Variants in RUBCNL observed in about 807,000 individuals in gnomAD.
RUBCNL encodes the protein rubicon like autophagy enhancer.
Under a neutral mutation model 69.5 loss-of-function variants are expected in RUBCNL, and 62 were observed. The ratio of observed to expected loss-of-function variants is 0.89; its 90% CI spans 0.73 to 1.10. The LOEUF (loss-of-function observed/expected upper bound fraction) is 1.10. RUBCNL is among the 50% of genes least tolerant of loss of function. The probability of loss-of-function intolerance (pLI) is 0.00; values close to 1 mark genes in which losing one functional copy is unlikely to be tolerated. For missense variants in RUBCNL, 768 were observed against 798.1 expected (o/e 0.96, Z 0.45); for synonymous variants, 291 against 303.6 (o/e 0.96, Z 0.43).
rs259706 is a variant in RUBCNL at position 46,386,038 on chromosome 13, A to T, written c.-239+1096T>A. 9.0e-3 allele frequency among the ~76,000 whole-genome samples: 1,375 copies of T among 152,324 alleles called. 19 individuals carry two copies. The highest frequency in any genetic ancestry group is 0.029 in the African/African-American group (1,205 of 41,568). On this transcript the variant is annotated intron_variant, in intron 1 of 14. Coordinates refer to ENST00000429979, the MANE Select transcript of RUBCNL (RefSeq NM_025113.5). The stretch of plus-strand genomic sequence containing the variant: ...TAATCACGAAAACCCCAGCACTGCC[A>T]TAAAGATGCTGTCTTAACTCGGCTC...
rs918827639 is a variant in RUBCNL at position 46,335,819 on chromosome 13, C to A, written c.*7566G>T. ...ACTGGGTCTATGGTGGTGCCATTTTCTGAGATGGAAAAGCCTGTAAAGAAA... is the reference window on the plus strand; with the variant it reads ...ACTGGGTCTATGGTGGTGCCATTTTATGAGATGGAAAAGCCTGTAAAGAAA... On this transcript the variant is annotated 3_prime_UTR_variant, in exon 15 of 15. Coordinates refer to ENST00000429979, the MANE Select transcript of RUBCNL (RefSeq NM_025113.5). Among the ~76,000 whole-genome samples the A allele has an allele frequency of 2.0e-5, 3 of 152,180 alleles. No homozygotes were observed. Among genetic ancestry groups the A allele is most frequent in the African/African-American group, 7.2e-5 (3 of 41,446 alleles).
At position 46,372,568 on chromosome 13, in the gene RUBCNL, C is replaced by T; in HGVS notation, c.-93G>A. 5 of 1,485,712 alleles carry T rather than the reference C, an allele frequency of 3.4e-6. No individual in the cohort carries two copies. In the South Asian group the frequency reaches 6.7e-5, roughly 20 times the overall value. The allele number at this position is 1,485,712 out of a possible 1,614,324, so 92.0% of individuals were successfully genotyped here. A position where few individuals can be genotyped will look rare whatever the true frequency, so the allele number is the denominator to read the frequency against. On this transcript the variant is annotated 5_prime_UTR_variant, in exon 3 of 15. It adds an upstream start codon to the 5' untranslated region. Transcript: ENST00000429979. ...CTTGATTTGGGCCCTGAACTCACCA[C>T]ATGGCCAGCTGGGGGTCTGGAGAGC...
chr13:46,385,511 C>T (rs570668730), intron 1 of RUBCNL, among the ~76,000 whole-genome samples: 29 of 152,168 alleles, frequency 1.9e-4, no homozygotes, highest in African/African-American at 6.3e-4. Context: ...AATAATCGTT[C>T]CATATTAGAA....
chr13:46,387,839 TGCAGTGGTTA>T, upstream of RUBCNL: 1 of 985,558 alleles, frequency 1.0e-6, no homozygotes, highest in Non-Finnish European at 1.2e-6. Flanking sequence ...ATCACGGGTG[TGCAGTGGTTA>T]GTCCTGAGAT....
chr13:46,365,373 C>T (rs903227083), intron 5 of RUBCNL, among the ~76,000 whole-genome samples: 2 of 150,070 alleles, frequency 1.3e-5, no homozygotes, highest in Non-Finnish European at 3.0e-5. Flanking sequence ...CACGTACACA[C>T]ACAAAAAACA....
At chr13:46,362,735 T>C (rs1464445217) in intron 6 of RUBCNL, 137 bp from the exon 7 acceptor site, 5 of 637,806 alleles carry the variant, frequency 7.8e-6, no homozygotes, top group Admixed American at 7.6e-5. Context: ...TGCTTCAGGT[T>C]CTGAGAAATG....
chr13:46,383,513 T>A (rs955259717), intron 1 of RUBCNL, among the ~76,000 whole-genome samples: 1 of 152,112 alleles, frequency 6.6e-6, no homozygotes, highest in Non-Finnish European at 1.5e-5. Flanking sequence ...CAGTTCCAAA[T>A]TTTCTACACA....
chr13:46,367,264 G>A (rs546535296), intron 5 of RUBCNL, among the ~76,000 whole-genome samples: 66 of 152,268 alleles, frequency 4.3e-4, no homozygotes, highest in Non-Finnish European at 7.9e-4. Flanking sequence ...CCATGCTCCA[G>A]CACGCAGACT....
chr13:46,339,822 G>A lies in RUBCNL; in HGVS notation c.*3563C>T, dbSNP rs148560063. On this transcript the variant is annotated 3_prime_UTR_variant, in exon 15 of 15. Coordinates refer to ENST00000429979, the MANE Select transcript of RUBCNL (RefSeq NM_025113.5). The stretch of plus-strand genomic sequence containing the variant: ...TGAAGTGAGCTGAGATCGCACCACT[G>A]CACTATAGCCTGGGTGACAGAGCAA... Among the ~76,000 whole-genome samples the A allele has an allele frequency of 3.2e-4, 48 of 152,122 alleles. No homozygotes were observed. In the East Asian group the frequency reaches 7.9e-3, roughly 25 times the overall value.
In RUBCNL at chr13:46,338,102, G is replaced by C. The variant is rs192763922; in HGVS notation, c.*5283C>G. 2.0e-5 allele frequency among the ~76,000 whole-genome samples: 3 copies of C among 152,172 alleles called. No homozygotes were observed. The highest frequency in any genetic ancestry group is 7.2e-5 in the African/African-American group (3 of 41,428). On this transcript the variant is annotated 3_prime_UTR_variant, in exon 15 of 15. Transcript: ENST00000429979. ...AGTACGCTGAAGAATGGGCAAGATC[G>C]GGAGGGAGATGAAAAGGGGAAGCGC...
At chr13:46,366,200 G>GC (rs1227937244) in intron 5 of RUBCNL, among the ~76,000 whole-genome samples, 2 of 152,134 alleles carry the variant, frequency 1.3e-5, no homozygotes, top group East Asian at 1.9e-4. Flanking sequence ...AGATTTCCCC[G>GC]CCCCCTGGCT....
intron 9 of RUBCNL, among the ~76,000 whole-genome samples, chr13:46,356,917 T>C (rs1369345017): frequency 2.0e-5 from 3 of 149,410 alleles, no homozygotes; most frequent in African/African-American, 4.9e-5. Context: ...TTGGTAGAGA[T>C]AGGGTCTCTC....
intron 3 of RUBCNL, among the ~76,000 whole-genome samples, chr13:46,370,270 T>C (rs959619878): frequency 2.6e-5 from 4 of 152,222 alleles, no homozygotes; most frequent in Non-Finnish European, 5.9e-5. Flanking sequence ...CTTGTAAATG[T>C]GTAGTTCCTA....
intron 6 of RUBCNL, among the ~76,000 whole-genome samples, 153 bp downstream of exon 6, chr13:46,362,962 A>ATATC (rs1555253844): frequency 1.2e-4 from 11 of 94,220 alleles, no homozygotes; most frequent in Non-Finnish European, 2.2e-4. Context: ...ATATATATAT[A>ATATC]TATATATATA....
chr13:46,365,434 C>T (rs1214242825), intron 5 of RUBCNL, among the ~76,000 whole-genome samples: 2 of 151,916 alleles, frequency 1.3e-5, no homozygotes, highest in African/African-American at 2.4e-5. Context: ...TTCTGCACTA[C>T]ACAACTCCAG....
At chr13:46,372,732 G>T in intron 2 of RUBCNL, 135 bp from the exon 3 acceptor site, 2 of 593,584 alleles carry the variant, frequency 3.4e-6, no homozygotes, top group Non-Finnish European at 5.1e-6. Flanking sequence ...AAGCCCGCTT[G>T]GATTTATAAG....
chr13:46,377,474 G>C (rs1356125653), intron 2 of RUBCNL, among the ~76,000 whole-genome samples: 1 of 152,212 alleles, frequency 6.6e-6, no homozygotes, highest in Non-Finnish European at 1.5e-5. Flanking sequence ...ATGTTGGCCA[G>C]GTTGGTCTCA....
chr13:46,363,330 A>ATTCTC, intron 5 of RUBCNL, 117 bp from the exon 6 acceptor site: 1 of 372,564 alleles, frequency 2.7e-6, no homozygotes, highest in Non-Finnish European at 4.8e-6. Flanking sequence ...GTTTAAGAGA[A>ATTCTC]TTAAACATTT....
chr13:46,358,854 G>A (rs1028391007), intron 9 of RUBCNL, among the ~76,000 whole-genome samples: 11 of 151,888 alleles, frequency 7.2e-5, no homozygotes, highest in African/African-American at 1.9e-4. Context: ...GTGAGCCACC[G>A]TACCCGGCCT....
Sources: gnomAD v4.1 joint callset for allele counts (sites outside exome capture counted in the v4.1 genomes callset) on GRCh38, gnomAD v4.1.1 for gene constraint, MANE v1.5 for transcripts, NCBI Gene and HGNC (gene_info 2026-07-23, HGNC 2026-07-21) for gene names.